Variants in MED12L observed in about 807,000 individuals in gnomAD.
MED12L encodes the protein mediator complex subunit 12L, also known as mediator of RNA polymerase II transcription subunit 12-like protein.
A neutral mutation model predicts 281.3 loss-of-function variants in MED12L; 60 were observed. The ratio of observed to expected loss-of-function variants is 0.21; its 90% CI spans 0.17 to 0.26. MED12L has a LOEUF of 0.26. Among genes scored for constraint, MED12L ranks in the 10% least tolerant of loss-of-function variants. The pLI, the probability that MED12L is intolerant of heterozygous loss-of-function variation, is 1.00. For synonymous variants in MED12L, 974 were observed against 987.2 expected (o/e 0.99, Z 0.25); for missense variants, 2,146 against 2,680.9 (o/e 0.80, Z 4.41).
In MED12L at chr3:151,434,975, TTTACCCCTGCGCATTATAAAGAAAA is replaced by T. The variant is rs1719938964; in HGVS notation, c.*2173_*2197del. The T allele has an allele frequency of 6.6e-6, 1 of 151,130 alleles. No homozygotes were observed. Among genetic ancestry groups the T allele is most frequent in the East Asian group, 2.0e-4 (1 of 5,016 alleles). 9.4% of individuals were successfully genotyped at this position (151,130 alleles called of 1,614,324 possible). On this transcript the variant is annotated 3_prime_UTR_variant, in exon 45 of 45. Coordinates refer to ENST00000687756, the MANE Select transcript of MED12L (RefSeq NM_001393769.1). ...TCTATTGAAAGTTGAGGAATGCTGT[TTTACCCCTGCGCATTATAAAGAAAA>T]TAACTAGAATTACTTTAGTCTTCAG...
At chr3:151,336,346 G>C (rs903248643) in intron 16 of MED12L, among the ~76,000 whole-genome samples, 6 of 152,182 alleles carry the variant, frequency 3.9e-5, no homozygotes, top group Non-Finnish European at 5.9e-5. Flanking sequence ...AATGTGGCTG[G>C]TTGGAAATGA....
chr3:151,360,351 G>T, intron 20 of MED12L, 123 bp from the exon 21 acceptor site: 1 of 832,778 alleles, frequency 1.2e-6, no homozygotes, highest in Non-Finnish European at 1.9e-6. Context: ...CTATTTATTA[G>T]TTTCAACAAT....
chr3:151,190,824 C>T lies in MED12L; in HGVS notation c.1861C>T (p.Leu621Phe). 6.2e-7 allele frequency: 1 copy of T among 1,614,170 alleles called. No individual in the cohort carries two copies. The highest frequency in any genetic ancestry group is 8.5e-7 in the Non-Finnish European group (1 of 1,180,034). The part of the protein sequence containing the change: ...VFSHDAYMCT[L>F]ISRGDLSVTA... ...CTCCCATGACGCATACATGTGTACC[C>T]TCATATCTCGAGGAGATTTGTCAGT... The change falls in exon 14 of 45, where the codon CTC becomes TTC. Residue 621 changes from leucine to phenylalanine, a missense_variant. By Grantham distance (22) the Leu-to-Phe change is conservative. Transcript: ENST00000687756.
At chr3:151,247,547 G>C (rs1229702807) in intron 16 of MED12L, among the ~76,000 whole-genome samples, 1 of 148,062 alleles carries the variant, frequency 6.8e-6, no homozygotes, top group African/African-American at 2.5e-5. Context: ...TCACTCATAG[G>C]TGGGAATTGA....
At chr3:151,284,529 AG>A (rs1743212561) in intron 16 of MED12L, among the ~76,000 whole-genome samples, 3 of 152,306 alleles carry the variant, frequency 2.0e-5, no homozygotes, top group East Asian at 3.9e-4. Context: ...AGTTATTCTT[AG>A]GCTATTATGT....
At chr3:151,239,876 A>C (rs888217461) in intron 16 of MED12L, among the ~76,000 whole-genome samples, 6 of 152,236 alleles carry the variant, frequency 3.9e-5, no homozygotes, top group African/African-American at 1.4e-4. Flanking sequence ...TTTTATGAAG[A>C]GTAATTAAAT....
At chr3:151,430,406 C>G in intron 44 of MED12L, 26 bp downstream of exon 44, 2 of 1,611,636 alleles carry the variant, frequency 1.2e-6, no homozygotes, top group Non-Finnish European at 8.5e-7. Context: ...TGTCATGGAA[C>G]AGACAGCTCC....
intron 16 of MED12L, among the ~76,000 whole-genome samples, chr3:151,257,572 C>G (rs193263465): frequency 3.3e-5 from 5 of 152,302 alleles, no homozygotes; most frequent in Admixed American, 3.3e-4. Context: ...GAATATTGTT[C>G]TGTATGCCTG....
chr3:151,395,441 A>C (rs1047343782), intron 39 of MED12L, among the ~76,000 whole-genome samples: 1 of 152,218 alleles, frequency 6.6e-6, no homozygotes, highest in Non-Finnish European at 1.5e-5. Flanking sequence ...TTTGTGGCCT[A>C]TAACTCAATG....
chr3:151,285,228 T>C, intron 16 of MED12L, among the ~76,000 whole-genome samples: 1 of 151,972 alleles, frequency 6.6e-6, no homozygotes, highest in Non-Finnish European at 1.5e-5. Context: ...CTCACGCCTG[T>C]AATCCCAGCA....
intron 1 of MED12L, 25 bp from the exon 2 acceptor site, chr3:151,086,772 AC>A: frequency 1.7e-6 from 1 of 590,978 alleles, no homozygotes. Context: ...GCAGCATCCA[AC>A]CTGCTTTATT....
At chr3:151,397,591 A>G (rs547405875) in intron 39 of MED12L, among the ~76,000 whole-genome samples, 1 of 152,326 alleles carries the variant, frequency 6.6e-6, no homozygotes, top group Admixed American at 6.5e-5. Context: ...TTCAAAATCT[A>G]AAGACAGAAT....
intron 27 of MED12L, among the ~76,000 whole-genome samples, chr3:151,373,452 C>G (rs62285879): frequency 1.3e-5 from 2 of 151,928 alleles, no homozygotes; most frequent in Non-Finnish European, 1.5e-5. Context: ...GGAGATACTT[C>G]GAGACAGTGC....
At position 151,430,356 on chromosome 3, in the gene MED12L, C is replaced by A; in HGVS notation, c.6466C>A (p.Arg2156=). 1 of 1,614,046 alleles carries A rather than the reference C, an allele frequency of 6.2e-7. No homozygotes were observed. The highest frequency in any genetic ancestry group is 1.1e-5 in the South Asian group (1 of 91,066). Residue 2156 remains arginine, a synonymous_variant, in exon 44 of 45, where the codon CGG becomes AGG. Transcript: ENST00000687756. Reference sequence around the variant, plus strand: ...GCAGCAGCAGACGGCCGCCTTGGTGCGGCAGCTCCAGAAGCAGCTTTCCAG... The same window carrying A: ...GCAGCAGCAGACGGCCGCCTTGGTGAGGCAGCTCCAGAAGCAGCTTTCCAG... ...QQQQQTAALV[R]QLQKQLSSNQ...
chr3:151,378,231 A>C, intron 31 of MED12L, 58 bp downstream of exon 31: 4 of 1,480,660 alleles, frequency 2.7e-6, no homozygotes, highest in Non-Finnish European at 3.6e-6. Flanking sequence ...AGAAAGTCTC[A>C]CTTCCTGTAA....
chr3:151,318,177 G>A lies in MED12L; in HGVS notation c.2251-31882G>A, dbSNP rs1343463006. Among the ~76,000 whole-genome samples the A allele has an allele frequency of 2.0e-5, 3 of 151,182 alleles. No homozygotes were observed. In the East Asian group the frequency reaches 5.8e-4, roughly 29 times the overall value. ...ATTCTGCTTTGGGTGGATTAAGTAT[G>A]TTACGGAAAAGTAGCTAGTCCTGGG... is the stretch of plus-strand genomic sequence containing the variant. On this transcript the variant is annotated intron_variant, in intron 16 of 44. Transcript: ENST00000687756.
chr3:151,109,504 A>G lies in MED12L; in HGVS notation c.100-6834A>G, dbSNP rs545790331. On this transcript the variant is annotated intron_variant, in intron 2 of 44. Coordinates refer to ENST00000687756, the MANE Select transcript of MED12L (RefSeq NM_001393769.1). The stretch of plus-strand genomic sequence containing the variant: ...AAGCTTGTTATTTTAGTCGAAACCA[A>G]TGACAAGAGGTGTGAGAGTTCTCCT... Among the ~76,000 whole-genome samples, 10 of 152,314 alleles carry G rather than the reference A, an allele frequency of 6.6e-5. No individual in the cohort carries two copies. The East Asian group carries it at 1.7e-3, about 26-fold the overall frequency.
chr3:151,220,981 C>T (rs1226479063), intron 16 of MED12L, among the ~76,000 whole-genome samples: 1 of 152,162 alleles, frequency 6.6e-6, no homozygotes, highest in Non-Finnish European at 1.5e-5. Context: ...TTGTTGAATG[C>T]CTTTGCCCAA....
intron 7 of MED12L, 121 bp from the exon 8 acceptor site, chr3:151,159,711 C>G (rs1382897040): frequency 1.1e-6 from 1 of 942,370 alleles, no homozygotes. Flanking sequence ...TTGGACAGCA[C>G]TTGCTTTATA....
Sources: allele counts gnomAD v4.1 joint callset (sites outside exome capture counted in the v4.1 genomes callset), GRCh38; gene constraint gnomAD v4.1.1; transcripts MANE v1.5; gene names NCBI Gene and HGNC (gene_info 2026-07-23, HGNC 2026-07-21).